MGAT4C: variants seen among roughly 807,000 people sequenced by gnomAD.
MGAT4C encodes the protein MGAT4 family member C.
In MGAT4C, 19 loss-of-function variants were observed where a neutral mutation model predicts 40.1. That is an observed-to-expected ratio of 0.47 (90% CI 0.33 to 0.70). MGAT4C has a LOEUF of 0.70. Ranked by LOEUF, MGAT4C falls within the 30% of genes least tolerant of loss-of-function variation. The pLI, the probability that MGAT4C is intolerant of heterozygous loss-of-function variation, is 0.02. For synonymous variants in MGAT4C, 181 were observed against 187.1 expected (o/e 0.97, Z 0.27); for missense variants, 491 against 563.2 (o/e 0.87, Z 1.30).
At chr12:86,260,900 AATATCTTT>A (rs567433673), upstream of MGAT4C, among the ~76,000 whole-genome samples, 1 of 152,042 alleles carries the variant, frequency 6.6e-6, no homozygotes, top group Non-Finnish European at 1.5e-5. Flanking sequence ...ATATAATAAA[AATATCTTT>A]GAAACAGAAA....
Position 86,557,511 on chromosome 12 carries a change from T to C in MGAT4C, c.-228-122246A>G, listed in dbSNP as rs1959666970. Among the ~76,000 whole-genome samples the C allele has an allele frequency of 2.6e-5, 4 of 152,272 alleles. No homozygotes were observed. In the South Asian group the frequency reaches 8.3e-4, roughly 32 times the overall value. On this transcript the variant is annotated intron_variant, in intron 2 of 7. Coordinates refer to the MGAT4C transcript ENST00000548651. The stretch of plus-strand genomic sequence containing the variant: ...TATGCTCCAATGAATACCACCACCA[T>C]GGTGCCTGAGGACTGGCCCACCTGA...
At chr12:86,663,345 C>T (rs1483106189) in intron 2 of MGAT4C, among the ~76,000 whole-genome samples, 1 of 121,898 alleles carries the variant, frequency 8.2e-6, no homozygotes, top group Non-Finnish European at 1.6e-5. Flanking sequence ...GTGATACCTC[C>T]TCTGTCTCAA....
At chr12:86,445,831 G>T (rs1403476582) in intron 2 of MGAT4C, among the ~76,000 whole-genome samples, 1 of 152,040 alleles carries the variant, frequency 6.6e-6, no homozygotes, top group Admixed American at 6.6e-5. Flanking sequence ...TGCAAAAATG[G>T]TTACATTTTA....
chr12:86,145,065 G>A (rs924230308), intron 1 of MGAT4C, among the ~76,000 whole-genome samples: 5 of 152,216 alleles, frequency 3.3e-5, no homozygotes, highest in Non-Finnish European at 5.9e-5. Context: ...CTGTTTAAAT[G>A]CAAAACCTTG....
At chr12:86,655,110 A>T (rs569467349) in intron 2 of MGAT4C, among the ~76,000 whole-genome samples, 7 of 151,958 alleles carry the variant, frequency 4.6e-5, no homozygotes, top group Admixed American at 3.9e-4. Flanking sequence ...ATAGGTATAT[A>T]TGTGCCATGT....
At chr12:86,384,317 C>A (rs1423260876) in intron 3 of MGAT4C, among the ~76,000 whole-genome samples, 1 of 152,168 alleles carries the variant, frequency 6.6e-6, no homozygotes, top group Non-Finnish European at 1.5e-5. Flanking sequence ...TAAGATGAGA[C>A]AACTATCCTG....
intron 3 of MGAT4C, among the ~76,000 whole-genome samples, chr12:86,345,300 G>A (rs1955004965): frequency 6.6e-6 from 1 of 151,012 alleles, no homozygotes; most frequent in Non-Finnish European, 1.5e-5. Context: ...TATACTTTAA[G>A]TTTTAGGGTA....
intron 2 of MGAT4C, among the ~76,000 whole-genome samples, chr12:86,612,237 C>T (rs1298918999): frequency 6.6e-6 from 1 of 151,962 alleles, no homozygotes; most frequent in African/African-American, 2.4e-5. Context: ...ATAATATTTT[C>T]TATATGTGAA....
chr12:86,178,531 C>A (rs776107229), intron 1 of MGAT4C, among the ~76,000 whole-genome samples: 5 of 152,144 alleles, frequency 3.3e-5, no homozygotes, highest in Non-Finnish European at 5.9e-5. Context: ...GTTTATTCAT[C>A]ACATTTTTAT....
chr12:86,774,419 C>CTCTT lies in MGAT4C; in HGVS notation c.-261-47182_-261-47179dup, dbSNP rs1201379276. Among the ~76,000 whole-genome samples, 266 of 102,906 alleles carry CTCTT rather than the reference C, an allele frequency of 2.6e-3. 13 individuals carry two copies. The highest frequency in any genetic ancestry group is 7.3e-3 in the African/African-American group (243 of 33,308). 67.5% of individuals were successfully genotyped at this position (102,906 alleles called of 152,430 possible). A position where few individuals can be genotyped will look rare whatever the true frequency, so the allele number is the denominator to read the frequency against. Reference sequence around the variant, plus strand: ...CTCCTCTCTCTCTCTCTCTCTCTCTCTCTTTCTTTCTTTCTTTTCTGTTAG... The same window carrying CTCTT: ...CTCCTCTCTCTCTCTCTCTCTCTCTCTCTTTCTTTCTTTCTTTCTTTTCTGTTAG... On this transcript the variant is annotated intron_variant, in intron 1 of 7. Coordinates refer to the MGAT4C transcript ENST00000548651.
At chr12:86,575,948 A>C (rs1960541113) in intron 2 of MGAT4C, among the ~76,000 whole-genome samples, 1 of 151,894 alleles carries the variant, frequency 6.6e-6, no homozygotes, top group African/African-American at 2.4e-5. Context: ...ATTCCCACCA[A>C]CAACGTACAA....
chr12:86,516,966 T>C (rs1363614543), intron 2 of MGAT4C, among the ~76,000 whole-genome samples: 1 of 152,154 alleles, frequency 6.6e-6, no homozygotes, highest in East Asian at 1.9e-4. Context: ...ATTAGTCATT[T>C]GAGAGATACA....
chr12:86,714,335 T>C (rs994890503), intron 2 of MGAT4C, among the ~76,000 whole-genome samples: 1 of 152,116 alleles, frequency 6.6e-6, no homozygotes, highest in Non-Finnish European at 1.5e-5. Context: ...ATTTGACATG[T>C]GGTTAATTTA....
intron 2 of MGAT4C, among the ~76,000 whole-genome samples, chr12:86,040,301 G>T (rs1891672383): frequency 6.6e-6 from 1 of 152,198 alleles, no homozygotes; most frequent in South Asian, 2.1e-4. Flanking sequence ...TGCCAGGCAG[G>T]GAAGTTTAAG....
At chr12:86,171,982 T>G (rs971934207) in intron 1 of MGAT4C, among the ~76,000 whole-genome samples, 5 of 152,200 alleles carry the variant, frequency 3.3e-5, no homozygotes, top group African/African-American at 1.2e-4. Context: ...AGACTGGCTT[T>G]ATAATCCAGC....
At chr12:86,594,132 G>A (rs1197371458) in intron 2 of MGAT4C, among the ~76,000 whole-genome samples, 1 of 152,118 alleles carries the variant, frequency 6.6e-6, no homozygotes, top group African/African-American at 2.4e-5. Flanking sequence ...GAACAACGGT[G>A]CTTCCACTAT....
intron 2 of MGAT4C, among the ~76,000 whole-genome samples, chr12:86,705,049 C>T (rs1025472689): frequency 1.3e-5 from 2 of 151,994 alleles, no homozygotes; most frequent in Non-Finnish European, 2.9e-5. Context: ...ATAAGTGAGA[C>T]CTTTGTTTTG....
intron 3 of MGAT4C, among the ~76,000 whole-genome samples, chr12:86,416,244 T>G (rs116511727): frequency 6.6e-6 from 1 of 152,014 alleles, no homozygotes; most frequent in Admixed American, 6.6e-5. Context: ...CTGGCTGAGA[T>G]GGAAAAAATG....
intron 2 of MGAT4C, among the ~76,000 whole-genome samples, chr12:86,489,895 C>A (rs1042632287): frequency 6.6e-6 from 1 of 152,118 alleles, no homozygotes; most frequent in Non-Finnish European, 1.5e-5. Context: ...AAGAAATGAA[C>A]AAAGCATCCA....
Sources: allele counts gnomAD v4.1 joint callset (sites outside exome capture counted in the v4.1 genomes callset), GRCh38; gene constraint gnomAD v4.1.1; transcripts MANE v1.5; gene names NCBI Gene and HGNC (gene_info 2026-07-23, HGNC 2026-07-21).